The following ABHD17C variants were observed in gnomAD, a reference collection of about 807,000 sequenced individuals.
The protein encoded by ABHD17C is alpha/beta hydrolase domain-containing protein 17C.
In ABHD17C, 11 loss-of-function variants were observed where a neutral mutation model predicts 27.9. The ratio of observed to expected loss-of-function variants is 0.39; its 90% CI spans 0.25 to 0.65. ABHD17C has a LOEUF of 0.65. Among genes scored for constraint, ABHD17C ranks in the 30% least tolerant of loss-of-function variants. The pLI is 0.45. For synonymous variants in ABHD17C, 233 were observed against 209.1 expected (o/e 1.11, Z -0.98); for missense variants, 280 against 470.2 (o/e 0.60, Z 3.74).
At chr15:80,698,695 T>C (rs1383479042) in intron 1 of ABHD17C, among the ~76,000 whole-genome samples, 1 of 152,254 alleles carries the variant, frequency 6.6e-6, no homozygotes, top group African/African-American at 2.4e-5. Context: ...CTTACTTGCC[T>C]GGAGCAAGTT....
At chr15:80,752,946 G>A (rs529758453) in intron 2 of ABHD17C, among the ~76,000 whole-genome samples, 2 of 152,286 alleles carry the variant, frequency 1.3e-5, no homozygotes, top group African/African-American at 4.8e-5. Flanking sequence ...TTTTTGCAGA[G>A]AAGTCATTTG....
intron 1 of ABHD17C, among the ~76,000 whole-genome samples, chr15:80,712,054 A>G (rs1894735113): frequency 6.6e-6 from 1 of 152,174 alleles, no homozygotes; most frequent in Non-Finnish European, 1.5e-5. Context: ...CTTGCCAGCA[A>G]GACAGACTTC....
At chr15:80,748,402 G>T (rs977344819) in intron 1 of ABHD17C, among the ~76,000 whole-genome samples, 1 of 152,150 alleles carries the variant, frequency 6.6e-6, no homozygotes, top group Non-Finnish European at 1.5e-5. Context: ...AAGTAACAGC[G>T]TTCCACTTTT....
Position 80,695,320 on chromosome 15 carries a change from C to A in ABHD17C, c.-110C>A, listed in dbSNP as rs1596055607. 13 of 668,754 alleles carry A rather than the reference C, an allele frequency of 1.9e-5. 1 individual carries two copies. The highest frequency in any genetic ancestry group is 9.8e-5 in the African/African-American group (5 of 50,948). The allele number at this position is 668,754 out of a possible 1,614,324, so 41.4% of individuals were successfully genotyped here. A position where few individuals can be genotyped will look rare whatever the true frequency, so the allele number is the denominator to read the frequency against. ...TGCCGCCGGGCGGGCGGGCTGCAGC[C>A]GCCCTCCGCGCTCGCCTGCCAGCTC... On this transcript the variant is annotated 5_prime_UTR_variant, in exon 1 of 3. Transcript: ENST00000258884. The surrounding 1 kb of genome is among the most constrained non-coding windows in gnomAD (Gnocchi z 4.3).
chr15:80,713,477 G>A (rs779902311), intron 1 of ABHD17C, among the ~76,000 whole-genome samples: 2 of 145,398 alleles, frequency 1.4e-5, no homozygotes, highest in Non-Finnish European at 3.0e-5. Context: ...CATAAACAGA[G>A]CCCTGGTCTG....
At chr15:80,744,658 A>G (rs553498306) in intron 1 of ABHD17C, among the ~76,000 whole-genome samples, 1 of 152,204 alleles carries the variant, frequency 6.6e-6, no homozygotes, top group African/African-American at 2.4e-5. Flanking sequence ...CACAAAAAGG[A>G]CTAGCGATAC....
chr15:80,732,603 G>T (rs1474746886), intron 1 of ABHD17C, among the ~76,000 whole-genome samples: 2 of 152,152 alleles, frequency 1.3e-5, no homozygotes, highest in African/African-American at 4.8e-5. Context: ...TCTGGTTGCA[G>T]AATGGAAAGT....
At chr15:80,730,699 T>C (rs991429972) in intron 1 of ABHD17C, among the ~76,000 whole-genome samples, 4 of 152,206 alleles carry the variant, frequency 2.6e-5, no homozygotes, top group African/African-American at 7.2e-5. Context: ...TGTGAAGTGC[T>C]TACTTCAGAG....
chr15:80,722,582 C>T (rs1384944159), intron 1 of ABHD17C, among the ~76,000 whole-genome samples: 1 of 151,538 alleles, frequency 6.6e-6, no homozygotes, highest in South Asian at 2.1e-4. Context: ...GAGCACTTTA[C>T]ATGAGATCTT....
At position 80,755,293 on chromosome 15, in the gene ABHD17C, A is replaced by C. The variant is rs1895418290; in HGVS notation, c.*923A>C. 6.6e-6 allele frequency: 1 copy of C among 152,194 alleles called. No homozygotes were observed. 9.4% of individuals were successfully genotyped at this position (152,194 alleles called of 1,614,324 possible). A position where few individuals can be genotyped will look rare whatever the true frequency, so the allele number is the denominator to read the frequency against. ...TAACATTTCCAAGACAAAAATTCCA[A>C]GTTTATGCTTTGAAGAATTTATGTA... On this transcript the variant is annotated 3_prime_UTR_variant, in exon 3 of 3. Transcript: ENST00000258884.
chr15:80,726,718 T>C (rs2064557521), intron 1 of ABHD17C, among the ~76,000 whole-genome samples: 2 of 151,954 alleles, frequency 1.3e-5, no homozygotes, highest in South Asian at 4.2e-4. Context: ...TTCACCGTGT[T>C]AGTCAGGATG....
rs533533902 is a variant in ABHD17C, at chr15:80,706,023, A to C, written c.590+10004A>C. Among the ~76,000 whole-genome samples, 5 of 152,334 alleles carry C rather than the reference A, an allele frequency of 3.3e-5. No individual in the cohort carries two copies. In the South Asian group the frequency reaches 1.0e-3, roughly 32 times the overall value. On this transcript the variant is annotated intron_variant, in intron 1 of 2. Coordinates refer to ENST00000258884, the MANE Select transcript of ABHD17C (RefSeq NM_021214.2). ...CTGAGCAGAGTTAGGGATGGCAAGG[A>C]CCAGAAGGCAAAAGCCTGTATTGTG...
chr15:80,701,594 G>T (rs1380621834), intron 1 of ABHD17C, among the ~76,000 whole-genome samples: 1 of 151,446 alleles, frequency 6.6e-6, no homozygotes, highest in African/African-American at 2.4e-5. Context: ...CATGAGAATG[G>T]CTTGAACCCG....
intron 1 of ABHD17C, among the ~76,000 whole-genome samples, chr15:80,748,462 A>G (rs893548531): frequency 2.6e-5 from 4 of 151,982 alleles, no homozygotes; most frequent in East Asian, 3.9e-4. Flanking sequence ...ATTTTTGCCT[A>G]TCGTTTGGGT....
intron 1 of ABHD17C, among the ~76,000 whole-genome samples, chr15:80,721,631 T>G (rs1894898935): frequency 1.3e-5 from 2 of 152,218 alleles, no homozygotes; most frequent in Non-Finnish European, 2.9e-5. Flanking sequence ...ATAGCAGATG[T>G]GCCATAAATG....
intron 1 of ABHD17C, among the ~76,000 whole-genome samples, chr15:80,715,315 G>A (rs1169596703): frequency 6.6e-6 from 1 of 152,196 alleles, no homozygotes; most frequent in African/African-American, 2.4e-5. Flanking sequence ...GAGGAAGATG[G>A]CTGAGGATTA....
intron 1 of ABHD17C, among the ~76,000 whole-genome samples, chr15:80,742,393 T>A (rs1895222966): frequency 6.6e-6 from 1 of 152,140 alleles, no homozygotes; most frequent in Non-Finnish European, 1.5e-5. Flanking sequence ...AGTCTGAAGG[T>A]CTTAGAACCA....
chr15:80,729,998 A>G (rs1465269977), intron 1 of ABHD17C, among the ~76,000 whole-genome samples: 2 of 152,130 alleles, frequency 1.3e-5, no homozygotes, highest in East Asian at 3.9e-4. Flanking sequence ...GCGTGCCTAT[A>G]ATCCCAGCCA....
At chr15:80,715,014 C>T (rs1250673210) in intron 1 of ABHD17C, among the ~76,000 whole-genome samples, 1 of 152,192 alleles carries the variant, frequency 6.6e-6, no homozygotes. Flanking sequence ...ATCTCCTGAC[C>T]TCGTGATCCG....
Sources: gnomAD v4.1 joint callset for allele counts (sites outside exome capture counted in the v4.1 genomes callset) on GRCh38, gnomAD v4.1.1 for gene constraint, Gnocchi (gnomAD v3.1) non-coding constraint, MANE v1.5 for transcripts, NCBI Gene and HGNC (gene_info 2026-07-23, HGNC 2026-07-21) for gene names.